Variants in FAM193A observed in about 807,000 individuals in gnomAD.
FAM193A encodes the protein protein FAM193A.
A neutral mutation model predicts 126.5 loss-of-function variants in FAM193A; 22 were observed. The observed-to-expected ratio is 0.17, with a 90% CI of 0.12 to 0.25. The LOEUF (loss-of-function observed/expected upper bound fraction) is 0.25. Among genes scored for constraint, FAM193A ranks in the 10% least tolerant of loss-of-function variants. The pLI is 1.00. For missense variants in FAM193A, 1,675 were observed against 1,672.8 expected (o/e 1.00, Z -0.02); for synonymous variants, 761 against 646.8 (o/e 1.18, Z -2.68).
intron 20 of FAM193A, among the ~76,000 whole-genome samples, chr4:2,730,122 G>A (rs1163853134): frequency 6.6e-6 from 1 of 151,932 alleles, no homozygotes; most frequent in Non-Finnish European, 1.5e-5. Flanking sequence ...TGCACGGGCT[G>A]GTCTCAAACG....
chr4:2,704,946 C>T (rs1718142911), intron 19 of FAM193A, among the ~76,000 whole-genome samples: 1 of 152,154 alleles, frequency 6.6e-6, no homozygotes, highest in African/African-American at 2.4e-5. Flanking sequence ...GAATCTTGCT[C>T]TGTCGCCCAG....
At chr4:2,615,107 GTATT>G (rs1017898436) in intron 2 of FAM193A, 7 of 151,040 alleles carry the variant, frequency 4.6e-5, no homozygotes, top group African/African-American at 1.5e-4. Flanking sequence ...TACTTATTTT[GTATT>G]TATTTATTTT....
At chr4:2,577,481 C>T (rs953432687) in intron 1 of FAM193A, among the ~76,000 whole-genome samples, 6 of 141,530 alleles carry the variant, frequency 4.2e-5, no homozygotes, top group Non-Finnish European at 6.0e-5. Flanking sequence ...TGCACTGGCA[C>T]GATCTCAGCT....
chr4:2,664,611 G>T (rs1446475700), intron 12 of FAM193A, among the ~76,000 whole-genome samples: 43 of 118,618 alleles, frequency 3.6e-4, no homozygotes, highest in Admixed American at 6.7e-4. Context: ...CTGTCACCCA[G>T]GCTGGAGTGC....
chr4:2,605,332 G>A (rs746820245), intron 2 of FAM193A, among the ~76,000 whole-genome samples: 4 of 152,218 alleles, frequency 2.6e-5, no homozygotes, highest in Non-Finnish European at 5.9e-5. Context: ...TATCACCTAA[G>A]CATCTACCCA....
chr4:2,619,991 T>G (rs747244624), intron 2 of FAM193A, among the ~76,000 whole-genome samples: 1 of 152,174 alleles, frequency 6.6e-6, no homozygotes, highest in Non-Finnish European at 1.5e-5. Context: ...GCACCTGGCC[T>G]GGGGGATCTG....
chr4:2,589,463 T>C (rs945815445), intron 1 of FAM193A, among the ~76,000 whole-genome samples: 6 of 152,242 alleles, frequency 3.9e-5, no homozygotes, highest in Non-Finnish European at 7.3e-5. Flanking sequence ...TTATATTAGC[T>C]ATTTAAAAGG....
intron 4 of FAM193A, among the ~76,000 whole-genome samples, chr4:2,627,464 A>G: frequency 1.4e-5 from 1 of 72,100 alleles, no homozygotes; most frequent in East Asian, 5.1e-4. Context: ...ACATATTTTT[A>G]TGTTTTTTGA....
rs33958851 is a variant in FAM193A, at chr4:2,664,558, C to CTTTTTTTTTTTTTTTTT, written c.2079+1280_2079+1296dup. Among the ~76,000 whole-genome samples, 8 of 73,096 alleles carry CTTTTTTTTTTTTTTTTT rather than the reference C, an allele frequency of 1.1e-4. 1 individual carries two copies. Among genetic ancestry groups the CTTTTTTTTTTTTTTTTT allele is most frequent in the African/African-American group, 1.6e-4 (3 of 18,810 alleles). 48.0% of individuals were successfully genotyped at this position (73,096 alleles called of 152,430 possible). On this transcript the variant is annotated intron_variant, in intron 12 of 20. Transcript: ENST00000637812. ...ACCTTTCTCTCTCTCTATTTTCTTTCTTTTTTTTTTTTTTTTTTTTTTTTT... is the reference window on the plus strand; with the variant it reads ...ACCTTTCTCTCTCTCTATTTTCTTTCTTTTTTTTTTTTTTTTTTTTTTTTTTTTTTTTTTTTTTTTTT...
chr4:2,700,844 A>G (rs1440732042), intron 19 of FAM193A, among the ~76,000 whole-genome samples: 33 of 152,128 alleles, frequency 2.2e-4, no homozygotes, highest in Non-Finnish European at 2.9e-5. Flanking sequence ...TGCACCTGTA[A>G]TCCTAGCTAC....
chr4:2,572,361 C>A, intron 1 of FAM193A, among the ~76,000 whole-genome samples: 1 of 150,544 alleles, frequency 6.6e-6, no homozygotes, highest in East Asian at 2.0e-4. Context: ...GGTAACATTT[C>A]AAGTTTTCTA....
intron 19 of FAM193A, among the ~76,000 whole-genome samples, chr4:2,703,899 G>C (rs898346452): frequency 6.6e-6 from 1 of 151,826 alleles, no homozygotes; most frequent in African/African-American, 2.4e-5. Context: ...TGGAGCCCAG[G>C]AGTTTGAGGC....
chr4:2,554,186 G>A (rs1203213587), intron 1 of FAM193A, among the ~76,000 whole-genome samples: 2 of 152,128 alleles, frequency 1.3e-5, no homozygotes, highest in Admixed American at 6.6e-5. Flanking sequence ...CCGGGTTCAA[G>A]TGGTTCTCCT....
intron 1 of FAM193A, among the ~76,000 whole-genome samples, chr4:2,563,825 T>C (rs1262825259): frequency 6.6e-6 from 1 of 152,184 alleles, no homozygotes; most frequent in African/African-American, 2.4e-5. Context: ...GGAAGGAAAG[T>C]ATATAGAGCC....
intron 2 of FAM193A, among the ~76,000 whole-genome samples, chr4:2,622,415 A>G (rs1742611811): frequency 6.6e-6 from 1 of 151,996 alleles, no homozygotes; most frequent in African/African-American, 2.4e-5. Flanking sequence ...AGGATGGAGA[A>G]GGGGCACTGG....
chr4:2,720,166 C>G (rs961677751), intron 20 of FAM193A: 1 of 154,354 alleles, frequency 6.5e-6, no homozygotes, highest in African/African-American at 2.4e-5. Flanking sequence ...CTTAGTAGAT[C>G]ATGGATCAGT....
chr4:2,653,469 G>C (rs1486421487), intron 7 of FAM193A, among the ~76,000 whole-genome samples: 2 of 151,968 alleles, frequency 1.3e-5, no homozygotes, highest in Admixed American at 6.6e-5. Context: ...TTTTTAGACA[G>C]AGTCTCTCTC....
rs1162065878 is a variant in FAM193A, at chr4:2,680,891, C to T, written c.2331+8519C>T. On this transcript the variant is annotated intron_variant, in intron 13 of 20. Coordinates refer to ENST00000637812, the MANE Select transcript of FAM193A (RefSeq NM_001366318.2). ...CCCTGACCTCAGGTGATCCACCCACCTGGACCTCCCAAAGTGCTGGGATTA... is the reference window on the plus strand; with the variant it reads ...CCCTGACCTCAGGTGATCCACCCACTTGGACCTCCCAAAGTGCTGGGATTA... Among the ~76,000 whole-genome samples, 3 of 152,328 alleles carry T rather than the reference C, an allele frequency of 2.0e-5. No homozygotes were observed. The East Asian group carries it at 5.8e-4, about 29-fold the overall frequency.
At chr4:2,690,321 G>C (rs1041001529) in intron 14 of FAM193A, among the ~76,000 whole-genome samples, 18 of 152,216 alleles carry the variant, frequency 1.2e-4, no homozygotes, top group Non-Finnish European at 1.9e-4. Flanking sequence ...GCATGTGCCA[G>C]AACAGCAGGC....
Sources: allele counts gnomAD v4.1 joint callset (sites outside exome capture counted in the v4.1 genomes callset), GRCh38; gene constraint gnomAD v4.1.1; transcripts MANE v1.5; gene names NCBI Gene and HGNC (gene_info 2026-07-23, HGNC 2026-07-21).